The following PIK3R5 variants were observed in gnomAD, a reference collection of about 807,000 sequenced individuals.
The protein encoded by PIK3R5 is phosphoinositide-3-kinase regulatory subunit 5.
PIK3R5 carries 32 observed loss-of-function variants against 94.9 expected under a neutral mutation model. The observed-to-expected ratio is 0.34, with a 90% confidence interval of 0.25 to 0.45. The LOEUF (loss-of-function observed/expected upper bound fraction) is 0.45, where lower values mean the gene tolerates loss of function less well. Ranked by LOEUF, PIK3R5 falls within the 20% of genes least tolerant of loss-of-function variation. PIK3R5 has a pLI of 1.00. For missense variants in PIK3R5, 853 were observed against 1,144.6 expected (o/e 0.75, Z 3.68); for synonymous variants, 443 against 479.4 (o/e 0.92, Z 0.99).
rs564044817 is a variant in PIK3R5, at chr17:8,885,101, C to T, written c.2129-318G>A. On this transcript the variant is annotated intron_variant, in intron 14 of 18. Transcript: ENST00000447110. ...CTGCCTCTCCAGGGCCCCATCTCCG[C>T]TGTGATCACACCTTCCCAGGGTCCT... is the stretch of plus-strand genomic sequence containing the variant. The T allele has an allele frequency of 2.8e-5, 10 of 353,900 alleles. No individual in the cohort carries two copies. In the East Asian group the frequency reaches 6.9e-4, roughly 24 times the overall value. 21.9% of individuals were successfully genotyped at this position (353,900 alleles called of 1,614,324 possible). A position where few individuals can be genotyped will look rare whatever the true frequency, so the allele number is the denominator to read the frequency against.
In PIK3R5 at chr17:8,890,664, T is replaced by C; in HGVS notation, c.657+74A>G. 7.6e-7 allele frequency: 1 copy of C among 1,319,986 alleles called. No individual in the cohort carries two copies. Among genetic ancestry groups the C allele is most frequent in the Non-Finnish European group, 1.0e-6 (1 of 958,778 alleles). The allele number at this position is 1,319,986 out of a possible 1,614,324, so 81.8% of individuals were successfully genotyped here. A position where few individuals can be genotyped will look rare whatever the true frequency, so the allele number is the denominator to read the frequency against. On this transcript the variant is annotated intron_variant, in intron 7 of 18. Coordinates refer to ENST00000447110, the MANE Select transcript of PIK3R5 (RefSeq NM_001142633.3). The surrounding 1 kb of genome is among the most constrained non-coding windows in gnomAD (Gnocchi z 6.1). ...CTAAGTGTACCCTGGAGACCGTGGC[T>C]GAGATGAAGCAGGGAGAGGGTGCTA... is the stretch of plus-strand genomic sequence containing the variant.
Position 8,887,535 on chromosome 17 carries a change from G to T in PIK3R5, c.1765C>A (p.His589Asn), listed in dbSNP as rs1268158547. ...TGGGGACATACTCCAGGGCTGGCGTGCCTAGGGGAGTCTGTCGGGGGTGAG... is the reference window on the plus strand; with the variant it reads ...TGGGGACATACTCCAGGGCTGGCGTTCCTAGGGGAGTCTGTCGGGGGTGAG... ...TPSPPTDSPR[H>N]ASPGELGTTP... Residue 589 changes from histidine to asparagine, a missense_variant, in exon 11 of 19, where the codon CAC (histidine) becomes AAC (asparagine). Physicochemically the swap from His to Asn is moderately conservative, Grantham distance 68. Around this residue, in one of 6 missense-constraint regions of PIK3R5, gnomAD observed 319 missense variants for 339.8 expected, o/e 0.94. Coordinates refer to ENST00000447110, the MANE Select transcript of PIK3R5 (RefSeq NM_001142633.3). 2.5e-6 allele frequency: 4 copies of T among 1,606,526 alleles called. No individual in the cohort carries two copies. Among genetic ancestry groups the T allele is most frequent in the Admixed American group, 3.4e-5 (2 of 59,036 alleles).
intron 1 of PIK3R5, among the ~76,000 whole-genome samples, chr17:8,961,382 C>T (rs2091561078): frequency 6.6e-6 from 1 of 152,184 alleles, no homozygotes; most frequent in Non-Finnish European, 1.5e-5. Flanking sequence ...CACCTGTAAT[C>T]CCAGCACTTT....
chr17:8,942,699 G>A (rs867468854), intron 1 of PIK3R5, among the ~76,000 whole-genome samples: 1 of 147,330 alleles, frequency 6.8e-6, no homozygotes, highest in Admixed American at 6.7e-5. Flanking sequence ...TCCGCCTCCC[G>A]GGTTCACGCC....
rs535282071 is a variant in PIK3R5, at chr17:8,954,185, T to C, written c.-14+11411A>G. ...GTTTTTTGTTCTAGAGATTTCCACA[T>C]TAGACTCAGAGGGAGGGCTACTTTT... On this transcript the variant is annotated intron_variant, in intron 1 of 18. Transcript: ENST00000447110. 1.0e-3 allele frequency among the ~76,000 whole-genome samples: 158 copies of C among 152,336 alleles called. 1 individual carries two copies. The highest frequency in any genetic ancestry group is 3.3e-3 in the African/African-American group (136 of 41,580).
At chr17:8,940,633 G>C (rs1449370593) in intron 1 of PIK3R5, among the ~76,000 whole-genome samples, 1 of 152,138 alleles carries the variant, frequency 6.6e-6, no homozygotes. Context: ...TGCAATCTCG[G>C]CTCTGCAACC....
chr17:8,887,650 C>T lies in PIK3R5; in HGVS notation c.1650G>A (p.Arg550=), dbSNP rs1344170077. Residue 550 remains arginine (R), a synonymous_variant, in exon 11 of 19, where the codon CGG becomes CGA. Transcript: ENST00000447110. ...RLENNRPLLT[R]FFKLQFFYVP... The stretch of plus-strand genomic sequence containing the variant: ...CGTAGAAGAACTGAAGTTTGAAGAA[C>T]CGTGTGAGGAGTGGGCGATTGTTCT... The T allele has an allele frequency of 1.9e-6, 3 of 1,606,686 alleles. No individual in the cohort carries two copies. In the Admixed American group the frequency reaches 5.1e-5, roughly 27 times the overall value.
chr17:8,898,324 T>A (rs948656686), intron 5 of PIK3R5, among the ~76,000 whole-genome samples: 4 of 152,202 alleles, frequency 2.6e-5, no homozygotes, highest in African/African-American at 9.6e-5. Flanking sequence ...TCAAAGGGTA[T>A]GAAGCCATAT....
At chr17:8,942,937 C>T (rs1468737766) in intron 1 of PIK3R5, among the ~76,000 whole-genome samples, 1 of 143,990 alleles carries the variant, frequency 6.9e-6, no homozygotes, top group East Asian at 2.0e-4. Context: ...GGCTGCTGCG[C>T]CAGCTGGACA....
intron 6 of PIK3R5, among the ~76,000 whole-genome samples, 195 bp from the exon 7 acceptor site, chr17:8,891,107 C>T (rs908099883): frequency 1.3e-5 from 2 of 152,210 alleles, no homozygotes; most frequent in Admixed American, 1.3e-4. Flanking sequence ...CAGGGGAAAG[C>T]GTGGGGTTCA....
At chr17:8,944,619 A>T (rs781766077) in intron 1 of PIK3R5, among the ~76,000 whole-genome samples, 1 of 152,130 alleles carries the variant, frequency 6.6e-6, no homozygotes, top group Non-Finnish European at 1.5e-5. Context: ...GTGGGAACAT[A>T]CCCTCTGGTG....
In PIK3R5 at chr17:8,955,208, C is replaced by T. The variant is rs969863620; in HGVS notation, c.-14+10388G>A. On this transcript the variant is annotated intron_variant, in intron 1 of 18. Coordinates refer to ENST00000447110, the MANE Select transcript of PIK3R5 (RefSeq NM_001142633.3). This position sits in a 1 kb window ranked among gnomAD's most constrained non-coding sequence, Gnocchi z 4.4. ...CAGCCCAGCCTGCCCGATCATCAGT[C>T]ATCCAAGGCTGAGGCCCGGGCCTCT... Among the ~76,000 whole-genome samples, 26 of 152,218 alleles carry T rather than the reference C, an allele frequency of 1.7e-4. No homozygotes were observed. Among genetic ancestry groups the T allele is most frequent in the Non-Finnish European group, 2.8e-4 (19 of 68,034 alleles).
chr17:8,935,880 C>T lies in PIK3R5; in HGVS notation c.-13-24373G>A, dbSNP rs1240674318. On this transcript the variant is annotated intron_variant, in intron 1 of 18. Coordinates refer to ENST00000447110, the MANE Select transcript of PIK3R5 (RefSeq NM_001142633.3). The surrounding 1 kb of genome is among the most constrained non-coding windows in gnomAD (Gnocchi z 4.5). ...CTATACTGGCTAACGCAGTGAAACCCGATCTCTACTAAAAATACAAAAAAT... is the reference window on the plus strand; with the variant it reads ...CTATACTGGCTAACGCAGTGAAACCTGATCTCTACTAAAAATACAAAAAAT... Among the ~76,000 whole-genome samples the T allele has an allele frequency of 2.6e-5, 4 of 152,004 alleles. No individual in the cohort carries two copies. The highest frequency in any genetic ancestry group is 6.6e-5 in the Admixed American group (1 of 15,262).
Position 8,909,529 on chromosome 17 carries a change from C to T in PIK3R5, c.104-355G>A, listed in dbSNP as rs1044620034. Among the ~76,000 whole-genome samples the T allele has an allele frequency of 6.6e-6, 1 of 152,182 alleles. No homozygotes were observed. Among genetic ancestry groups the T allele is most frequent in the East Asian group, 1.9e-4 (1 of 5,192 alleles). ...GTCTCGATCTCCTGACCTCGTGATC[C>T]GCCCGCCTCGGACTCCCAAAGTGCT... On this transcript the variant is annotated intron_variant, in intron 2 of 18. Transcript: ENST00000447110. This position sits in a 1 kb window ranked among gnomAD's most constrained non-coding sequence, Gnocchi z 4.3.
intron 1 of PIK3R5, among the ~76,000 whole-genome samples, chr17:8,965,030 C>CACACAG (rs1555556517): frequency 6.6e-6 from 1 of 151,492 alleles, no homozygotes; most frequent in Non-Finnish European, 1.5e-5. Context: ...CACACACACA[C>CACACAG]GAGTCACGCG....
At chr17:8,897,725 C>G (rs1334597582) in intron 5 of PIK3R5, among the ~76,000 whole-genome samples, 1 of 152,106 alleles carries the variant, frequency 6.6e-6, no homozygotes, top group African/African-American at 2.4e-5. Flanking sequence ...TAGGTGCAAC[C>G]CCCCTCACCT....
chr17:8,890,129 G>A lies in PIK3R5; in HGVS notation c.658-3C>T. ...TCAAGCTCTGCCAGGGTCTTGGCCT[G>A]AAACCCCAGGAGGAGATGGGCTTTG... On this transcript the variant is annotated splice_polypyrimidine_tract_variant and splice_region_variant and intron_variant, in intron 7 of 18. Transcript: ENST00000447110. This position sits in a 1 kb window ranked among gnomAD's most constrained non-coding sequence, Gnocchi z 6.1. 6.2e-7 allele frequency: 1 copy of A among 1,613,646 alleles called. No homozygotes were observed. The highest frequency in any genetic ancestry group is 8.5e-7 in the Non-Finnish European group (1 of 1,179,890).
intron 1 of PIK3R5, among the ~76,000 whole-genome samples, chr17:8,931,864 T>G (rs548482973): frequency 5.9e-5 from 9 of 152,354 alleles, no homozygotes; most frequent in Admixed American, 1.3e-4. Context: ...CCTAGGAAGG[T>G]AATTCTTGAC....
chr17:8,903,788 G>A (rs1014646025), intron 5 of PIK3R5, among the ~76,000 whole-genome samples: 1 of 152,102 alleles, frequency 6.6e-6, no homozygotes, highest in Non-Finnish European at 1.5e-5. Flanking sequence ...TTAGCTACCT[G>A]TTTTCTAGTT....
Sources: allele counts gnomAD v4.1 joint callset (sites outside exome capture counted in the v4.1 genomes callset), GRCh38; gene constraint gnomAD v4.1.1; regional missense constraint gnomAD v4.1.1; non-coding constraint Gnocchi (gnomAD v3.1); transcripts MANE v1.5; gene names NCBI Gene and HGNC (gene_info 2026-07-23, HGNC 2026-07-21).